FRAS1: variants seen among roughly 807,000 people sequenced by gnomAD.
The protein encoded by FRAS1 is extracellular matrix organizing protein FRAS1.
A neutral mutation model predicts 435.2 loss-of-function variants in FRAS1; 290 were observed. The ratio of observed to expected loss-of-function variants is 0.67; its 90% CI spans 0.61 to 0.73. FRAS1 has a LOEUF of 0.73. Among genes scored for constraint, FRAS1 ranks in the 30% least tolerant of loss-of-function variants. The pLI, the probability that FRAS1 is intolerant of heterozygous loss-of-function variation, is 0.00. For missense variants in FRAS1, 4,860 were observed against 5,001.5 expected, an observed-to-expected ratio of 0.97 and a Z score of 0.85; for synonymous variants, 1,800 against 1,851.0, an observed-to-expected ratio of 0.97 and a Z score of 0.71.
intron 70 of FRAS1, among the ~76,000 whole-genome samples, chr4:78,527,093 A>G (rs888223820): frequency 6.6e-6 from 1 of 152,206 alleles, no homozygotes; most frequent in Admixed American, 6.5e-5. Flanking sequence ...GGGTCTTTAC[A>G]CAGAAACAGA....
chr4:78,377,083 A>G (rs530526429), intron 26 of FRAS1, among the ~76,000 whole-genome samples: 1 of 152,260 alleles, frequency 6.6e-6, no homozygotes, highest in Non-Finnish European at 1.5e-5. Context: ...AATAACAAAG[A>G]GAAGTGAATT....
intron 38 of FRAS1, among the ~76,000 whole-genome samples, chr4:78,436,791 G>T (rs1734446621): frequency 6.6e-6 from 1 of 151,970 alleles, no homozygotes; most frequent in Admixed American, 6.6e-5. Flanking sequence ...AATATATCAA[G>T]CTATTTTTAA....
At chr4:78,388,854 A>C (rs1732333512) in intron 29 of FRAS1, among the ~76,000 whole-genome samples, 1 of 152,170 alleles carries the variant, frequency 6.6e-6, no homozygotes, top group African/African-American at 2.4e-5. Flanking sequence ...AGTCATTGAC[A>C]TGCCACCTTT....
intron 2 of FRAS1, among the ~76,000 whole-genome samples, chr4:78,178,514 G>C (rs868098225): frequency 1.2e-4 from 19 of 152,220 alleles, no homozygotes; most frequent in African/African-American, 4.6e-4. Context: ...TATTAATTTG[G>C]TGGGCATCAA....
intron 33 of FRAS1, 142 bp from the exon 34 acceptor site, chr4:78,421,721 C>A: frequency 1.1e-6 from 1 of 884,738 alleles, no homozygotes; most frequent in Non-Finnish European, 1.8e-6. Flanking sequence ...CAGAGAGTGG[C>A]ATACCAAGAG....
chr4:78,269,401 G>A (rs1432064719), intron 9 of FRAS1, among the ~76,000 whole-genome samples: 1 of 152,188 alleles, frequency 6.6e-6, no homozygotes, highest in Non-Finnish European at 1.5e-5. Flanking sequence ...CCCACTTTCT[G>A]CCTGCCTCCT....
intron 59 of FRAS1, 141 bp downstream of exon 59, chr4:78,489,221 G>T (rs1020372454): frequency 6.0e-5 from 42 of 694,308 alleles, no homozygotes; most frequent in Non-Finnish European, 8.5e-5. Context: ...GGGGATAGGG[G>T]TGCCAACTCC....
chr4:78,363,437 C>T, intron 20 of FRAS1, 76 bp from the exon 21 acceptor site: 5 of 1,411,936 alleles, frequency 3.5e-6, no homozygotes, highest in Non-Finnish European at 4.8e-6. Context: ...GAAATCTCTT[C>T]TGCCCTTCTG....
chr4:78,370,115 TTG>T (rs1731443651), intron 23 of FRAS1, 131 bp downstream of exon 23: 10 of 773,926 alleles, frequency 1.3e-5, no homozygotes, highest in Non-Finnish European at 1.6e-5. Context: ...ATAGCAACAA[TTG>T]TGTGTGTATG....
At chr4:78,165,329 C>A (rs1265123302) in intron 2 of FRAS1, among the ~76,000 whole-genome samples, 1 of 152,192 alleles carries the variant, frequency 6.6e-6, no homozygotes, top group Non-Finnish European at 1.5e-5. Context: ...TGGTATTCTT[C>A]AGCGTCCCAT....
chr4:78,404,133 C>T (rs1277847914), intron 30 of FRAS1, among the ~76,000 whole-genome samples: 5 of 152,072 alleles, frequency 3.3e-5, no homozygotes, highest in African/African-American at 7.2e-5. Flanking sequence ...TCTGATTTAA[C>T]CTAATGCATT....
intron 5 of FRAS1, 76 bp downstream of exon 5, chr4:78,252,627 T>C (rs1725598786): frequency 5.4e-6 from 7 of 1,293,434 alleles, no homozygotes; most frequent in South Asian, 4.1e-5. Context: ...CAGCCCTCAA[T>C]ATTTCAACAT....
chr4:78,345,865 A>T (rs1578265747), intron 20 of FRAS1, among the ~76,000 whole-genome samples: 2 of 6,648 alleles, frequency 3.0e-4, no homozygotes, highest in Admixed American at 1.3e-3. Flanking sequence ...TTCCTAAATT[A>T]AAAAAAAAAA....
At chr4:78,372,682 G>A (rs556423347) in intron 23 of FRAS1, 36 bp from the exon 24 acceptor site, 1 of 1,609,742 alleles carries the variant, frequency 6.2e-7, no homozygotes, top group South Asian at 1.1e-5. Flanking sequence ...AGGGTGGACA[G>A]AAAGGAAGAT....
At chr4:78,122,681 A>G (rs1248317612) in intron 2 of FRAS1, among the ~76,000 whole-genome samples, 4 of 152,022 alleles carry the variant, frequency 2.6e-5, no homozygotes, top group Admixed American at 2.6e-4. Flanking sequence ...AACTGGTGTG[A>G]GATGGTATCT....
chr4:78,082,712 T>C (rs1303417491), intron 2 of FRAS1, among the ~76,000 whole-genome samples: 10 of 152,146 alleles, frequency 6.6e-5, no homozygotes, highest in Non-Finnish European at 1.5e-5. Context: ...AAGACTTTGT[T>C]ATAGTCTCTT....
chr4:78,263,151 T>A (rs1173867274), intron 6 of FRAS1, among the ~76,000 whole-genome samples: 2 of 151,962 alleles, frequency 1.3e-5, no homozygotes, highest in African/African-American at 2.4e-5. Flanking sequence ...TCAAAAAGCC[T>A]TTCCTATCTC....
Position 78,477,681 on chromosome 4 carries a change from G to A in FRAS1, c.7852-134G>A, listed in dbSNP as rs533864814. 3 of 1,113,204 alleles carry A rather than the reference G, an allele frequency of 2.7e-6. 1 individual carries two copies. The South Asian group carries it at 5.0e-5, about 19-fold the overall frequency. 69.0% of individuals were successfully genotyped at this position (1,113,204 alleles called of 1,614,324 possible). A position where few individuals can be genotyped will look rare whatever the true frequency, so the allele number is the denominator to read the frequency against. On this transcript the variant is annotated intron_variant, in intron 54 of 73. Transcript: ENST00000512123. ...TCCAGGTGATGCAGCAGGGAACCAG[G>A]GCTGGGAGAACCAGCTATTTCAGTC...
chr4:78,487,728 T>C (rs1720215404), intron 58 of FRAS1, among the ~76,000 whole-genome samples: 1 of 152,174 alleles, frequency 6.6e-6, no homozygotes, highest in African/African-American at 2.4e-5. Context: ...AACCAGATAC[T>C]ACATTGAGTA....
Sources: gnomAD v4.1 joint callset for allele counts (sites outside exome capture counted in the v4.1 genomes callset) on GRCh38, gnomAD v4.1.1 for gene constraint, MANE v1.5 for transcripts, NCBI Gene and HGNC (gene_info 2026-07-23, HGNC 2026-07-21) for gene names.